SSH2: variants seen among roughly 807,000 people sequenced by gnomAD.
SSH2 encodes protein phosphatase Slingshot homolog 2.
Under a neutral mutation model 135.2 loss-of-function variants are expected in SSH2, and 37 were observed. That is an observed-to-expected ratio of 0.27 (90% CI 0.21 to 0.36). The LOEUF (loss-of-function observed/expected upper bound fraction) is 0.36. Ranked by LOEUF, SSH2 falls within the 10% of genes least tolerant of loss-of-function variation. The probability of loss-of-function intolerance (pLI) is 1.00; values close to 1 mark genes in which losing one functional copy is unlikely to be tolerated. For synonymous variants in SSH2, 628 were observed against 646.2 expected, an observed-to-expected ratio of 0.97 and a Z score of 0.43; for missense variants, 1,408 against 1,765.3, an observed-to-expected ratio of 0.80 and a Z score of 3.63.
At chr17:29,725,015 C>T (rs1348023028) in intron 3 of SSH2, among the ~76,000 whole-genome samples, 1 of 151,920 alleles carries the variant, frequency 6.6e-6, no homozygotes, top group Non-Finnish European at 1.5e-5. Flanking sequence ...TAGCAGGTCC[C>T]ATTCAAGGCA....
At chr17:29,763,606 C>A (rs539522079) in intron 3 of SSH2, among the ~76,000 whole-genome samples, 1 of 151,708 alleles carries the variant, frequency 6.6e-6, no homozygotes, top group African/African-American at 2.4e-5. Context: ...TAAATGATGC[C>A]ATTTAGGACA....
chr17:29,769,813 T>C (rs1267053115), intron 3 of SSH2, among the ~76,000 whole-genome samples: 1 of 152,188 alleles, frequency 6.6e-6, no homozygotes, highest in African/African-American at 2.4e-5. Context: ...GTTTGACTAA[T>C]CTTGAATACC....
chr17:29,756,251 G>C (rs1342527735), intron 3 of SSH2, among the ~76,000 whole-genome samples: 1 of 148,016 alleles, frequency 6.8e-6, no homozygotes, highest in African/African-American at 2.5e-5. Context: ...CAACAAGAGC[G>C]AGACTCTGTC....
intron 13 of SSH2, among the ~76,000 whole-genome samples, chr17:29,649,399 G>GT (rs925864041): frequency 3.7e-4 from 54 of 147,550 alleles, no homozygotes; most frequent in Admixed American, 5.4e-4. Flanking sequence ...AATGAGACAA[G>GT]TTTTTTTTTT....
chr17:29,777,828 G>C (rs919666305), intron 3 of SSH2: 2 of 148,184 alleles, frequency 1.3e-5, no homozygotes, highest in African/African-American at 5.0e-5. Context: ...TGATCTGGAC[G>C]GTCTTTGAGA....
At chr17:29,764,763 TA>T (rs2151262708) in intron 3 of SSH2, among the ~76,000 whole-genome samples, 1 of 152,246 alleles carries the variant, frequency 6.6e-6, no homozygotes, top group East Asian at 1.9e-4. Context: ...TAAGTTTTTG[TA>T]GGATGACACA....
intron 3 of SSH2, among the ~76,000 whole-genome samples, chr17:29,719,426 C>T (rs1210255234): frequency 6.6e-6 from 1 of 151,142 alleles, no homozygotes; most frequent in African/African-American, 2.4e-5. Flanking sequence ...GCAGGAGAAT[C>T]ACTTGAACCC....
chr17:29,924,091 G>A (rs1301909217), intron 1 of SSH2, among the ~76,000 whole-genome samples: 1 of 152,036 alleles, frequency 6.6e-6, no homozygotes, highest in Non-Finnish European at 1.5e-5. Flanking sequence ...GTACTTCTCT[G>A]TATTTCTGGA....
intron 1 of SSH2, among the ~76,000 whole-genome samples, chr17:29,858,353 G>A (rs566921826): frequency 5.3e-5 from 8 of 152,338 alleles, no homozygotes; most frequent in African/African-American, 1.7e-4. Flanking sequence ...TGGCAGACCT[G>A]TGTTCCTTCT....
At chr17:29,907,751 CT>C (rs2066682457) in intron 1 of SSH2, among the ~76,000 whole-genome samples, 1 of 151,876 alleles carries the variant, frequency 6.6e-6, no homozygotes, top group Admixed American at 6.6e-5. Flanking sequence ...TTTAAAGACT[CT>C]AATTCTTCTC....
At chr17:29,738,604 A>G (rs1335685718) in intron 3 of SSH2, among the ~76,000 whole-genome samples, 1 of 144,158 alleles carries the variant, frequency 6.9e-6, no homozygotes, top group Non-Finnish European at 1.5e-5. Flanking sequence ...CCTAGGCTGG[A>G]GTGCAGTGCT....
intron 1 of SSH2, among the ~76,000 whole-genome samples, chr17:29,901,287 A>T (rs1003942866): frequency 6.6e-6 from 1 of 152,162 alleles, no homozygotes; most frequent in African/African-American, 2.4e-5. Context: ...ATAATAAAAA[A>T]AAAACAATGT....
intron 3 of SSH2, among the ~76,000 whole-genome samples, chr17:29,786,448 C>T (rs1177287477): frequency 6.6e-6 from 1 of 152,168 alleles, no homozygotes; most frequent in African/African-American, 2.4e-5. Context: ...CCTTTGTTTT[C>T]CTTTTTGCCC....
intron 2 of SSH2, among the ~76,000 whole-genome samples, chr17:29,825,321 A>G (rs888768127): frequency 1.3e-5 from 2 of 152,232 alleles, no homozygotes; most frequent in African/African-American, 4.8e-5. Flanking sequence ...AGAATATGCT[A>G]TCCTTCATGT....
At chr17:29,746,870 G>A (rs2151220659) in intron 3 of SSH2, among the ~76,000 whole-genome samples, 1 of 152,308 alleles carries the variant, frequency 6.6e-6, no homozygotes, top group East Asian at 1.9e-4. Flanking sequence ...AACCTGACCA[G>A]CTTTTTGCTG....
At chr17:29,860,812 C>T (rs1435133879) in intron 1 of SSH2, among the ~76,000 whole-genome samples, 1 of 151,250 alleles carries the variant, frequency 6.6e-6, no homozygotes, top group African/African-American at 2.4e-5. Flanking sequence ...GTGGCATGAT[C>T]TCAGTTCACT....
chr17:29,743,039 C>T (rs1397798871), intron 3 of SSH2, among the ~76,000 whole-genome samples: 1 of 152,244 alleles, frequency 6.6e-6, no homozygotes, highest in Non-Finnish European at 1.5e-5. Flanking sequence ...TCAAGGGACT[C>T]TCATGCGTCA....
chr17:29,735,682 G>GTGA, intron 3 of SSH2, among the ~76,000 whole-genome samples: 1 of 139,736 alleles, frequency 7.2e-6, no homozygotes, highest in East Asian at 2.1e-4. Flanking sequence ...GGACGACAGA[G>GTGA]CAAGATTCTG....
chr17:29,650,871 C>G lies in SSH2; in HGVS notation c.1080-71G>C, dbSNP rs2036555282. 6 of 1,322,880 alleles carry G rather than the reference C, an allele frequency of 4.5e-6. No individual in the cohort carries two copies. In the East Asian group the frequency reaches 1.3e-4, roughly 29 times the overall value. The allele number at this position is 1,322,880 out of a possible 1,614,324, so 81.9% of individuals were successfully genotyped here. ...AATCCAATTCCCAGCACTGTTTTTT[C>G]TTACTTAAAACTTGTTTATTCCATA... On this transcript the variant is annotated intron_variant, in intron 12 of 15. Coordinates refer to ENST00000540801, the MANE Select transcript of SSH2 (RefSeq NM_001282129.2).
Sources: gnomAD v4.1 joint callset for allele counts (sites outside exome capture counted in the v4.1 genomes callset) on GRCh38, gnomAD v4.1.1 for gene constraint, MANE v1.5 for transcripts, NCBI Gene and HGNC (gene_info 2026-07-23, HGNC 2026-07-21) for gene names.